Variants in ARMC9 observed in about 807,000 individuals in gnomAD.
The protein encoded by ARMC9 is armadillo repeat containing 9, also known as lisH domain-containing protein ARMC9.
Under a neutral mutation model 107.0 loss-of-function variants are expected in ARMC9, and 94 were observed. That is an observed-to-expected ratio of 0.88 (90% CI 0.74 to 1.04). The LOEUF (loss-of-function observed/expected upper bound fraction) is 1.04. Ranked by LOEUF, ARMC9 falls within the 50% of genes least tolerant of loss-of-function variation. The pLI, the probability that ARMC9 is intolerant of heterozygous loss-of-function variation, is 0.00. For synonymous variants in ARMC9, 380 were observed against 396.9 expected, an observed-to-expected ratio of 0.96 and a Z score of 0.51; for missense variants, 942 against 1,030.1, an observed-to-expected ratio of 0.91 and a Z score of 1.17.
At chr2:231,231,387 A>G (rs771398108) in intron 7 of ARMC9, among the ~76,000 whole-genome samples, 4 of 152,142 alleles carry the variant, frequency 2.6e-5, no homozygotes, top group Non-Finnish European at 5.9e-5. Flanking sequence ...GAAAAACTTT[A>G]TTTGTATTCA....
chr2:231,249,407 C>A (rs1337484156), intron 9 of ARMC9, among the ~76,000 whole-genome samples: 1 of 152,090 alleles, frequency 6.6e-6, no homozygotes, highest in East Asian at 1.9e-4. Context: ...GAACACTTTC[C>A]TTACCTTACA....
At chr2:231,270,938 T>TC in intron 12 of ARMC9, 44 bp from the exon 13 acceptor site, 2 of 1,562,410 alleles carry the variant, frequency 1.3e-6, no homozygotes, top group Non-Finnish European at 1.8e-6. Flanking sequence ...TGTTTATCTC[T>TC]CCGTGTTCTT....
chr2:231,352,074 C>T (rs916292237), intron 21 of ARMC9, among the ~76,000 whole-genome samples: 2 of 152,066 alleles, frequency 1.3e-5, no homozygotes, highest in Non-Finnish European at 2.9e-5. Flanking sequence ...TCAAACCATC[C>T]TCCCACCTCA....
At chr2:231,282,557 A>G (rs749543335) in intron 17 of ARMC9, among the ~76,000 whole-genome samples, 14 of 152,204 alleles carry the variant, frequency 9.2e-5, no homozygotes, top group Non-Finnish European at 1.8e-4. Context: ...TGAAAGGACA[A>G]GTGTTTCTAG....
At position 231,374,586 on chromosome 2, in the gene ARMC9, A is replaced by G. The variant is rs1255664643; in HGVS notation, c.*3051A>G. ...AAAATAAAAATAAAATAGTTGAACA[A>G]ATAAGGTTCATGAAAAAAAAAGAAA... On this transcript the variant is annotated 3_prime_UTR_variant, in exon 25 of 25. Transcript: ENST00000611582. 3 of 151,490 alleles carry G rather than the reference A, an allele frequency of 2.0e-5. No individual in the cohort carries two copies. In the East Asian group the frequency reaches 5.8e-4, roughly 29 times the overall value. 9.4% of individuals were successfully genotyped at this position (151,490 alleles called of 1,614,324 possible).
chr2:231,200,349 A>T (rs968311272), intron 1 of ARMC9, among the ~76,000 whole-genome samples: 1 of 152,118 alleles, frequency 6.6e-6, no homozygotes, highest in African/African-American at 2.4e-5. Flanking sequence ...GGTTCTGGGG[A>T]TATGAAGTTG....
intron 15 of ARMC9, among the ~76,000 whole-genome samples, chr2:231,277,543 G>C (rs992262955): frequency 1.7e-5 from 2 of 116,898 alleles, no homozygotes; most frequent in African/African-American, 1.0e-4. Context: ...TAAAAAAATA[G>C]CATGCAAAAA....
At chr2:231,331,528 C>G (rs2043735440) in intron 19 of ARMC9, among the ~76,000 whole-genome samples, 1 of 152,182 alleles carries the variant, frequency 6.6e-6, no homozygotes, top group Non-Finnish European at 1.5e-5. Flanking sequence ...AAAGAGCCTT[C>G]TGGAACCTCC....
chr2:231,278,376 C>G lies in ARMC9; in HGVS notation c.1475-6C>G, dbSNP rs1339051474. ...GTCATGTTTAGCTTTGATTTGTTTCCCATAGGGAAGAACATGTGTGCCAAG... is the reference window on the plus strand; with the variant it reads ...GTCATGTTTAGCTTTGATTTGTTTCGCATAGGGAAGAACATGTGTGCCAAG... On this transcript the variant is annotated splice_polypyrimidine_tract_variant and splice_region_variant and intron_variant, in intron 15 of 24. Coordinates refer to ENST00000611582, the MANE Select transcript of ARMC9 (RefSeq NM_001352754.2). 6.2e-7 allele frequency: 1 copy of G among 1,613,840 alleles called. No individual in the cohort carries two copies. The highest frequency in any genetic ancestry group is 1.3e-5 in the African/African-American group (1 of 74,910).
At chr2:231,336,896 C>T (rs1487902921) in intron 20 of ARMC9, among the ~76,000 whole-genome samples, 1 of 152,168 alleles carries the variant, frequency 6.6e-6, no homozygotes, top group East Asian at 1.9e-4. Flanking sequence ...AGCATGGCAC[C>T]GTGCAGAGCT....
chr2:231,310,391 C>G (rs1275058892), intron 19 of ARMC9, among the ~76,000 whole-genome samples: 1 of 146,662 alleles, frequency 6.8e-6, no homozygotes, highest in Admixed American at 6.9e-5. Flanking sequence ...GCACTCCAGC[C>G]TGGGCAACAA....
chr2:231,335,406 G>T (rs567937342), intron 20 of ARMC9, among the ~76,000 whole-genome samples: 38 of 152,278 alleles, frequency 2.5e-4, no homozygotes, highest in Non-Finnish European at 4.7e-4. Context: ...CAGAGTGTTC[G>T]GGGATGGGAG....
At chr2:231,305,906 AAT>A (rs1420323804) in intron 19 of ARMC9, among the ~76,000 whole-genome samples, 2 of 152,248 alleles carry the variant, frequency 1.3e-5, no homozygotes, top group African/African-American at 4.8e-5. Context: ...ATCACTCATC[AAT>A]ATTTAAACAA....
intron 12 of ARMC9, among the ~76,000 whole-genome samples, chr2:231,264,542 G>A (rs2038680217): frequency 6.6e-6 from 1 of 150,866 alleles, no homozygotes; most frequent in Non-Finnish European, 1.5e-5. Context: ...TAGTCGCCCA[G>A]GCTGGAGTGC....
In ARMC9 at chr2:231,222,708, T is replaced by C. The variant is rs557378073; in HGVS notation, c.505-20T>C. 2 of 1,342,728 alleles carry C rather than the reference T, an allele frequency of 1.5e-6. No homozygotes were observed. The highest frequency in any genetic ancestry group is 2.3e-5 in the East Asian group (1 of 43,526). The allele number at this position is 1,342,728 out of a possible 1,614,324, so 83.2% of individuals were successfully genotyped here. ...ACTTAGTAATCTAATGTTTGTATTTTTGTTCCCTTTTTTCTTTAGGATTCC... is the reference window on the plus strand; with the variant it reads ...ACTTAGTAATCTAATGTTTGTATTTCTGTTCCCTTTTTTCTTTAGGATTCC... On this transcript the variant is annotated intron_variant, in intron 5 of 24. Coordinates refer to ENST00000611582, the MANE Select transcript of ARMC9 (RefSeq NM_001352754.2).
intron 21 of ARMC9, among the ~76,000 whole-genome samples, chr2:231,348,952 G>A (rs1027805590): frequency 6.6e-6 from 1 of 152,186 alleles, no homozygotes; most frequent in African/African-American, 2.4e-5. Flanking sequence ...GCAAGGATGT[G>A]GAGAAAAGGG....
At chr2:231,300,199 A>G (rs2041637462) in intron 19 of ARMC9, among the ~76,000 whole-genome samples, 1 of 152,214 alleles carries the variant, frequency 6.6e-6, no homozygotes, top group East Asian at 1.9e-4. Flanking sequence ...TCTTGACAAA[A>G]TAGGTTTAAG....
intron 14 of ARMC9, among the ~76,000 whole-genome samples, chr2:231,276,069 C>T (rs895170055): frequency 6.6e-6 from 1 of 152,204 alleles, no homozygotes; most frequent in Non-Finnish European, 1.5e-5. Context: ...AAGCAATGCT[C>T]TGCTAATTTT....
rs1179847658 is a variant in ARMC9 at position 231,272,853 on chromosome 2, A to G, written c.1211-102A>G. The G allele has an allele frequency of 8.5e-6, 12 of 1,407,334 alleles. No individual in the cohort carries two copies. The East Asian group carries it at 2.8e-4, about 33-fold the overall frequency. 87.2% of individuals were successfully genotyped at this position (1,407,334 alleles called of 1,614,324 possible). On this transcript the variant is annotated intron_variant, in intron 13 of 24. Coordinates refer to ENST00000611582, the MANE Select transcript of ARMC9 (RefSeq NM_001352754.2). ...TAGAACATAAAATTACCCAAACTCT[A>G]CTGTGTTATATGCAAAGTAAGTTTT...
Sources: allele counts gnomAD v4.1 joint callset (sites outside exome capture counted in the v4.1 genomes callset), GRCh38; gene constraint gnomAD v4.1.1; transcripts MANE v1.5; gene names NCBI Gene and HGNC (gene_info 2026-07-23, HGNC 2026-07-21).